The following UGGT2 variants were observed in gnomAD, a reference collection of about 807,000 sequenced individuals.
UGGT2 encodes UDP-glucose glycoprotein glucosyltransferase 2.
UGGT2 carries 180 observed loss-of-function variants against 192.1 expected under a neutral mutation model. That is an observed-to-expected ratio of 0.94 (90% CI 0.83 to 1.06). UGGT2 has a LOEUF of 1.06. UGGT2 is among the 50% of genes least tolerant of loss of function. UGGT2 has a pLI of 0.00. For missense variants in UGGT2, 1,849 were observed against 1,795.7 expected (o/e 1.03, Z -0.54); for synonymous variants, 580 against 591.0 (o/e 0.98, Z 0.27).
At chr13:95,905,868 C>A (rs1200708238) in intron 20 of UGGT2, among the ~76,000 whole-genome samples, 1 of 151,936 alleles carries the variant, frequency 6.6e-6, no homozygotes, top group East Asian at 1.9e-4. Flanking sequence ...CTCTATAATC[C>A]ATCTGGAATC....
intron 12 of UGGT2, among the ~76,000 whole-genome samples, chr13:95,963,639 C>A (rs1027945643): frequency 1.2e-4 from 19 of 152,128 alleles, no homozygotes; most frequent in African/African-American, 4.6e-4. Flanking sequence ...TCTAGAAAAA[C>A]CAAGGACTCC....
chr13:95,993,388 T>C (rs753670402), intron 7 of UGGT2, among the ~76,000 whole-genome samples: 1 of 152,056 alleles, frequency 6.6e-6, no homozygotes, highest in Non-Finnish European at 1.5e-5. Flanking sequence ...GAATCTAAAA[T>C]AGAAGTTGAA....
chr13:95,982,422 T>G (rs546349911), intron 10 of UGGT2, among the ~76,000 whole-genome samples: 3 of 152,180 alleles, frequency 2.0e-5, no homozygotes, highest in South Asian at 4.2e-4. Flanking sequence ...CCAGTCCACA[T>G]GTACAGTAAG....
chr13:95,846,367 T>A, intron 36 of UGGT2, among the ~76,000 whole-genome samples: 1 of 129,778 alleles, frequency 7.7e-6, no homozygotes, highest in Non-Finnish European at 1.6e-5. Context: ...TGAGCCAAGA[T>A]GGCGGCAGTA....
intron 2 of UGGT2, among the ~76,000 whole-genome samples, chr13:96,026,832 C>T (rs1425521660): frequency 2.6e-5 from 4 of 151,852 alleles, no homozygotes; most frequent in South Asian, 2.1e-4. Context: ...CCACCGCGCC[C>T]GGCTAATTTT....
intron 38 of UGGT2, among the ~76,000 whole-genome samples, chr13:95,823,294 T>A (rs1354785139): frequency 6.6e-6 from 1 of 152,098 alleles, no homozygotes; most frequent in Non-Finnish European, 1.5e-5. Context: ...AGTCCATTTG[T>A]TTTAGGGTAT....
intron 1 of UGGT2, among the ~76,000 whole-genome samples, chr13:96,047,156 C>A (rs2053339447): frequency 6.6e-6 from 1 of 152,218 alleles, no homozygotes; most frequent in African/African-American, 2.4e-5. Flanking sequence ...GATCTGAGAA[C>A]AGACAGACTG....
chr13:95,880,747 C>T (rs1318488082), intron 27 of UGGT2, among the ~76,000 whole-genome samples: 1 of 151,894 alleles, frequency 6.6e-6, no homozygotes, highest in Non-Finnish European at 1.5e-5. Flanking sequence ...ACTTAGTGAC[C>T]CCAAAGCACA....
At chr13:95,863,445 T>C (rs1429873566) in intron 31 of UGGT2, 184 bp downstream of exon 31, 2 of 523,828 alleles carry the variant, frequency 3.8e-6, no homozygotes, top group Non-Finnish European at 6.8e-6. Flanking sequence ...TAGTATTTTA[T>C]TTTCATCTGT....
At chr13:96,015,053 C>T (rs1022043871) in intron 4 of UGGT2, among the ~76,000 whole-genome samples, 8 of 151,964 alleles carry the variant, frequency 5.3e-5, no homozygotes, top group African/African-American at 1.4e-4. Context: ...CCGAGGTGGG[C>T]GGATCATGAG....
At chr13:95,904,310 AAACTTT>A (rs1275193422) in intron 20 of UGGT2, among the ~76,000 whole-genome samples, 2 of 152,046 alleles carry the variant, frequency 1.3e-5, no homozygotes, top group Non-Finnish European at 1.5e-5. Flanking sequence ...TTTTATTATT[AAACTTT>A]AAGTTTTAGG....
In UGGT2 at chr13:95,863,471, T is replaced by C; in HGVS notation, c.3644+158A>G. 6.8e-6 allele frequency: 4 copies of C among 589,596 alleles called. No individual in the cohort carries two copies. The South Asian group carries it at 9.2e-5, about 14-fold the overall frequency. The allele number at this position is 589,596 out of a possible 1,614,324, so 36.5% of individuals were successfully genotyped here. On this transcript the variant is annotated intron_variant, in intron 31 of 38. Coordinates refer to ENST00000376747, the MANE Select transcript of UGGT2 (RefSeq NM_020121.4). Reference sequence around the variant, plus strand: ...TTTCATCTGTCTTATAGCTCTAGTTTCCTATCTTGTACACAGTAGTAACAT... The same window carrying C: ...TTTCATCTGTCTTATAGCTCTAGTTCCCTATCTTGTACACAGTAGTAACAT...
intron 4 of UGGT2, among the ~76,000 whole-genome samples, chr13:96,018,052 T>A (rs920333161): frequency 6.6e-6 from 1 of 152,214 alleles, no homozygotes; most frequent in Admixed American, 6.5e-5. Context: ...CTATAAAACC[T>A]ATGCTGTTCA....
chr13:96,023,478 A>C, intron 3 of UGGT2, 151 bp downstream of exon 3: 1 of 724,016 alleles, frequency 1.4e-6, no homozygotes, highest in Non-Finnish European at 2.0e-6. Flanking sequence ...ATTATAATAA[A>C]TGACAACAAT....
intron 14 of UGGT2, among the ~76,000 whole-genome samples, 182 bp from the exon 15 acceptor site, chr13:95,947,354 G>C (rs2049906556): frequency 1.3e-5 from 2 of 152,052 alleles, no homozygotes; most frequent in South Asian, 4.1e-4. Context: ...AATCCACATA[G>C]CTACTGGATT....
chr13:95,826,081 A>C (rs1886016697), intron 38 of UGGT2, among the ~76,000 whole-genome samples: 1 of 152,092 alleles, frequency 6.6e-6, no homozygotes, highest in Non-Finnish European at 1.5e-5. Context: ...TAAACTACAA[A>C]TAATGTTGTA....
rs749562019 is a variant in UGGT2 at position 95,986,451 on chromosome 13, T to C, written c.932-19A>G. On this transcript the variant is annotated intron_variant, in intron 8 of 38. Transcript: ENST00000376747. ...CTAAGATCTGGAAGGAAAAATATTATTAAGGAATCTAGCATAATATTAGAC... is the reference window on the plus strand; with the variant it reads ...CTAAGATCTGGAAGGAAAAATATTACTAAGGAATCTAGCATAATATTAGAC... 6.6e-7 allele frequency: 1 copy of C among 1,514,464 alleles called. No homozygotes were observed. Among genetic ancestry groups the C allele is most frequent in the African/African-American group, 1.4e-5 (1 of 72,868 alleles). The allele number at this position is 1,514,464 out of a possible 1,614,324, so 93.8% of individuals were successfully genotyped here.
At chr13:95,938,415 T>C (rs1219365569) in intron 16 of UGGT2, among the ~76,000 whole-genome samples, 2 of 152,170 alleles carry the variant, frequency 1.3e-5, no homozygotes, top group Non-Finnish European at 2.9e-5. Flanking sequence ...TCACAAATAC[T>C]CTAGGAAGCC....
rs915273983 is a variant in UGGT2 at position 95,841,967 on chromosome 13, A to G, written c.4285-4765T>C. 2.0e-5 allele frequency among the ~76,000 whole-genome samples: 3 copies of G among 152,312 alleles called. No homozygotes were observed. The East Asian group carries it at 5.8e-4, about 29-fold the overall frequency. ...TTCTTTCCCCATTAAGTTGTCTTGGAATGCTTGACAAAAATCAAATGAGAG... is the reference window on the plus strand; with the variant it reads ...TTCTTTCCCCATTAAGTTGTCTTGGGATGCTTGACAAAAATCAAATGAGAG... On this transcript the variant is annotated intron_variant, in intron 36 of 38. Coordinates refer to ENST00000376747, the MANE Select transcript of UGGT2 (RefSeq NM_020121.4).
Sources: allele counts gnomAD v4.1 joint callset (sites outside exome capture counted in the v4.1 genomes callset), GRCh38; gene constraint gnomAD v4.1.1; transcripts MANE v1.5; gene names NCBI Gene and HGNC (gene_info 2026-07-23, HGNC 2026-07-21).